UQCC1: variants seen among roughly 807,000 people sequenced by gnomAD.
UQCC1 encodes ubiquinol-cytochrome c reductase complex assembly factor 1, also known as bFGF-repressed Zic-binding protein.
A neutral mutation model predicts 48.0 loss-of-function variants in UQCC1; 38 were observed. The observed-to-expected ratio is 0.79, with a 90% CI of 0.61 to 1.04. The LOEUF is 1.04. UQCC1 is among the 50% of genes least tolerant of loss of function. The probability of loss-of-function intolerance (pLI) is 0.00; values close to 1 mark genes in which losing one functional copy is unlikely to be tolerated. For synonymous variants in UQCC1, 111 were observed against 129.2 expected (o/e 0.86, Z 0.95); for missense variants, 368 against 381.8 (o/e 0.96, Z 0.30).
At chr20:35,309,988 G>A (rs2060972297) in intron 8 of UQCC1, among the ~76,000 whole-genome samples, 2 of 152,164 alleles carry the variant, frequency 1.3e-5, no homozygotes, top group African/African-American at 2.4e-5. Flanking sequence ...CACTCTACAT[G>A]GCTGCCTCCT....
chr20:35,344,044 T>G (rs533211798), intron 7 of UQCC1: 1 of 152,224 alleles, frequency 6.6e-6, no homozygotes, highest in Non-Finnish European at 1.5e-5. Context: ...TACACTTGGA[T>G]CAGAGACTAA....
intron 6 of UQCC1, among the ~76,000 whole-genome samples, chr20:35,349,448 A>AT (rs2061467118): frequency 6.6e-6 from 1 of 152,244 alleles, no homozygotes; most frequent in Non-Finnish European, 1.5e-5. Context: ...AATCAAGAGG[A>AT]TAACAATGCT....
chr20:35,315,551 A>C (rs11907599), intron 7 of UQCC1: 12,786 of 152,448 alleles, frequency 0.084, 697 homozygotes, highest in South Asian at 0.21. Context: ...AAAGGAGGGA[A>C]GAACAAAGCA....
At chr20:35,404,606 T>C (rs1321444112) in intron 1 of UQCC1, among the ~76,000 whole-genome samples, 1 of 150,430 alleles carries the variant, frequency 6.6e-6, no homozygotes, top group East Asian at 2.0e-4. Flanking sequence ...TCATGGCACA[T>C]GTATACATAT....
chr20:35,398,299 A>G (rs1054406623), intron 1 of UQCC1, among the ~76,000 whole-genome samples: 1 of 152,194 alleles, frequency 6.6e-6, no homozygotes, highest in South Asian at 2.1e-4. Context: ...CACCTCTGTG[A>G]GCCTTGGTTG....
intron 4 of UQCC1, among the ~76,000 whole-genome samples, chr20:35,375,168 T>C (rs889602985): frequency 6.6e-6 from 1 of 151,996 alleles, no homozygotes. Context: ...CAAAAACAAA[T>C]GTGTACAGGC....
intron 7 of UQCC1, among the ~76,000 whole-genome samples, chr20:35,317,192 C>T (rs1193308073): frequency 6.6e-6 from 1 of 152,162 alleles, no homozygotes; most frequent in Non-Finnish European, 1.5e-5. Flanking sequence ...CCCGCCTCGA[C>T]CTCCTAAAGT....
At chr20:35,372,146 C>G (rs1476185445) in intron 5 of UQCC1, among the ~76,000 whole-genome samples, 1 of 151,700 alleles carries the variant, frequency 6.6e-6, no homozygotes, top group Admixed American at 6.6e-5. Context: ...CTCGTCTCTA[C>G]TAAAAGTACA....
At position 35,388,859 on chromosome 20, in the gene UQCC1, G is replaced by T. The variant is rs376368392; in HGVS notation, c.130-4726C>A. Among the ~76,000 whole-genome samples the T allele has an allele frequency of 3.2e-4, 48 of 152,262 alleles. 1 individual carries two copies. The highest frequency in any genetic ancestry group is 2.7e-3 in the East Asian group (14 of 5,152). The stretch of plus-strand genomic sequence containing the variant: ...GCGGGAGGATCACCTGAGGTCAGGA[G>T]TTCAAGGCTAACCTGGCCAACATGG... On this transcript the variant is annotated intron_variant, in intron 2 of 9. Transcript: ENST00000374385.
intron 6 of UQCC1, among the ~76,000 whole-genome samples, chr20:35,363,278 GC>G (rs1391373439): frequency 2.0e-5 from 3 of 152,148 alleles, no homozygotes; most frequent in Non-Finnish European, 4.4e-5. Flanking sequence ...GATGCCAGTG[GC>G]CAAGACAGGA....
intron 3 of UQCC1, among the ~76,000 whole-genome samples, chr20:35,383,736 A>G (rs1045961413): frequency 2.0e-5 from 3 of 152,144 alleles, no homozygotes; most frequent in Non-Finnish European, 4.4e-5. Context: ...TGTAAGTCTC[A>G]GCTATTCAGA....
At chr20:35,317,789 A>C (rs747928018) in intron 7 of UQCC1, among the ~76,000 whole-genome samples, 6 of 152,266 alleles carry the variant, frequency 3.9e-5, no homozygotes, top group South Asian at 2.1e-4. Context: ...CGCCATGCAT[A>C]GCATGTTCTA....
chr20:35,326,929 T>C (rs942408169), intron 7 of UQCC1, among the ~76,000 whole-genome samples: 2 of 152,174 alleles, frequency 1.3e-5, no homozygotes, highest in Non-Finnish European at 2.9e-5. Flanking sequence ...TCTTTGCTAA[T>C]AGAGCTGAGC....
chr20:35,311,485 T>C lies in UQCC1; in HGVS notation c.651+3203A>G, dbSNP rs561090963. 1.1e-4 allele frequency among the ~76,000 whole-genome samples: 17 copies of C among 152,364 alleles called. No individual in the cohort carries two copies. The South Asian group carries it at 3.5e-3, about 32-fold the overall frequency. Reference sequence around the variant, plus strand: ...GATCTGAATTTTCCATTTTATTTAATTAATTTAAATTAAAATAGCTGCATG... The same window carrying C: ...GATCTGAATTTTCCATTTTATTTAACTAATTTAAATTAAAATAGCTGCATG... On this transcript the variant is annotated intron_variant, in intron 8 of 9. Coordinates refer to ENST00000374385, the MANE Select transcript of UQCC1 (RefSeq NM_018244.5).
chr20:35,365,842 G>A (rs984823674), intron 6 of UQCC1, among the ~76,000 whole-genome samples: 1 of 152,104 alleles, frequency 6.6e-6, no homozygotes, highest in Non-Finnish European at 1.5e-5. Context: ...CCTTTTGACA[G>A]GGCAGCCATT....
chr20:35,320,202 A>G (rs1244859677), intron 7 of UQCC1, among the ~76,000 whole-genome samples: 1 of 152,120 alleles, frequency 6.6e-6, no homozygotes, highest in African/African-American at 2.4e-5. Flanking sequence ...CCTCTCCCCC[A>G]TCTACAGGTG....
intron 7 of UQCC1, among the ~76,000 whole-genome samples, chr20:35,333,540 A>G (rs2061281068): frequency 6.6e-6 from 1 of 152,144 alleles, no homozygotes; most frequent in African/African-American, 2.4e-5. Flanking sequence ...GGACAAAGAA[A>G]GTTCTTAATT....
intron 2 of UQCC1, among the ~76,000 whole-genome samples, chr20:35,393,009 C>A (rs899907824): frequency 1.3e-5 from 2 of 151,674 alleles, no homozygotes; most frequent in Admixed American, 6.6e-5. Context: ...AAATACATAA[C>A]CCTGAGAGCT....
intron 1 of UQCC1, among the ~76,000 whole-genome samples, chr20:35,406,538 T>A (rs2062253391): frequency 6.6e-6 from 1 of 152,160 alleles, no homozygotes; most frequent in African/African-American, 2.4e-5. Context: ...AAATGAAGAT[T>A]TCCCAGATAA....
Sources: allele counts gnomAD v4.1 joint callset (sites outside exome capture counted in the v4.1 genomes callset), GRCh38; gene constraint gnomAD v4.1.1; transcripts MANE v1.5; gene names NCBI Gene and HGNC (gene_info 2026-07-23, HGNC 2026-07-21).